NRXN3: variants seen among roughly 807,000 people sequenced by gnomAD.
NRXN3 encodes neurexin 3, also known as neurexin III.
NRXN3 carries 32 observed loss-of-function variants against 137.6 expected under a neutral mutation model. That is an observed-to-expected ratio of 0.23 (90% CI 0.18 to 0.31). NRXN3 has a LOEUF of 0.31. NRXN3 is among the 10% of genes least tolerant of loss of function. NRXN3 has a pLI of 1.00. For missense variants in NRXN3, 1,574 were observed against 2,062.5 expected (o/e 0.76, Z 4.59); for synonymous variants, 798 against 784.5 (o/e 1.02, Z -0.29).
At position 78,780,561 on chromosome 14, in the gene NRXN3, T is replaced by C. The variant is rs115094008; in HGVS notation, c.2045-23059T>C. 1.8e-3 allele frequency among the ~76,000 whole-genome samples: 278 copies of C among 152,200 alleles called. 2 individuals are homozygous for C. Among genetic ancestry groups the C allele is most frequent in the African/African-American group, 6.4e-3 (267 of 41,536 alleles). ...GGCAATGCACCCAGCACACAAAGGATTGGTATTCTAAATTGTATAATGACC... is the reference window on the plus strand; with the variant it reads ...GGCAATGCACCCAGCACACAAAGGACTGGTATTCTAAATTGTATAATGACC... On this transcript the variant is annotated intron_variant, in intron 8 of 20. Transcript: ENST00000335750.
At chr14:79,290,953 A>G (rs2083085129) in intron 15 of NRXN3, among the ~76,000 whole-genome samples, 1 of 152,198 alleles carries the variant, frequency 6.6e-6, no homozygotes, top group African/African-American at 2.4e-5. Context: ...TTTCTGATAC[A>G]TTTAAAAGTT....
intron 16 of NRXN3, among the ~76,000 whole-genome samples, chr14:79,582,674 C>T (rs1330121917): frequency 1.3e-5 from 2 of 152,108 alleles, no homozygotes; most frequent in Non-Finnish European, 2.9e-5. Context: ...CCGCCTCAGC[C>T]TCCCAAAGTG....
At chr14:79,830,079 G>A (rs1290196602) in intron 20 of NRXN3, among the ~76,000 whole-genome samples, 4 of 152,178 alleles carry the variant, frequency 2.6e-5, no homozygotes, top group Non-Finnish European at 5.9e-5. Flanking sequence ...GGCATGGAAG[G>A]TTGGAGAAGG....
At chr14:78,560,269 G>GAACAAACTTT (rs1386237495) in intron 4 of NRXN3, among the ~76,000 whole-genome samples, 9 of 152,022 alleles carry the variant, frequency 5.9e-5, no homozygotes, top group African/African-American at 1.5e-4. Flanking sequence ...TGAACATACT[G>GAACAAACTTT]GATTTTTCCC....
chr14:79,400,014 G>A (rs1010514544), intron 15 of NRXN3, among the ~76,000 whole-genome samples: 2 of 152,182 alleles, frequency 1.3e-5, no homozygotes, highest in African/African-American at 2.4e-5. Flanking sequence ...ATGTGTGCAT[G>A]TGCACCTGTG....
At chr14:79,250,080 T>A (rs2075731221) in intron 15 of NRXN3, among the ~76,000 whole-genome samples, 1 of 152,200 alleles carries the variant, frequency 6.6e-6, no homozygotes. Context: ...AACTGTGACA[T>A]GTGAATATTT....
At chr14:79,175,149 T>G (rs1261555612) in intron 15 of NRXN3, among the ~76,000 whole-genome samples, 2 of 151,994 alleles carry the variant, frequency 1.3e-5, no homozygotes, top group Non-Finnish European at 2.9e-5. Flanking sequence ...TGCGGCTAAT[T>G]TTTTGTATTT....
intron 15 of NRXN3, among the ~76,000 whole-genome samples, chr14:79,325,837 A>G (rs962508457): frequency 2.6e-5 from 4 of 152,168 alleles, no homozygotes; most frequent in African/African-American, 9.7e-5. Context: ...GCACAATGCC[A>G]TCTTGTCTGT....
At chr14:79,711,129 T>G (rs552637470) in intron 19 of NRXN3, among the ~76,000 whole-genome samples, 61 of 152,310 alleles carry the variant, frequency 4.0e-4, no homozygotes, top group African/African-American at 1.3e-3. Flanking sequence ...GTAAAGCAAG[T>G]TACAATAAAG....
intron 3 of NRXN3, among the ~76,000 whole-genome samples, chr14:78,293,083 T>C (rs530411189): frequency 5.3e-5 from 8 of 152,226 alleles, no homozygotes; most frequent in Admixed American, 3.3e-4. Flanking sequence ...ATAATTTATG[T>C]TGGAAAGCCA....
intron 11 of NRXN3, among the ~76,000 whole-genome samples, chr14:78,965,069 T>A (rs1245431197): frequency 1.3e-5 from 2 of 152,176 alleles, no homozygotes; most frequent in African/African-American, 4.8e-5. Context: ...AGTCCTCTGA[T>A]CCCTCTGATT....
chr14:78,943,613 AAAAAAAAAATAT>A lies in NRXN3; in HGVS notation c.2276-13627_2276-13616del, dbSNP rs1360380550. Among the ~76,000 whole-genome samples, 39 of 30,994 alleles carry A rather than the reference AAAAAAAAAATAT, an allele frequency of 1.3e-3. 1 individual carries two copies. Among genetic ancestry groups the A allele is most frequent in the South Asian group, 5.5e-3 (4 of 722 alleles). 20.3% of individuals were successfully genotyped at this position (30,994 alleles called of 152,430 possible). A position where few individuals can be genotyped will look rare whatever the true frequency, so the allele number is the denominator to read the frequency against. Reference sequence around the variant, plus strand: ...AGAAAAGAAGCAAGATCACTGTTAAAAAAAAAAAATATATATATATATATATATATATATATA... The same window carrying A: ...AGAAAAGAAGCAAGATCACTGTTAAAATATATATATATATATATATATATA... On this transcript the variant is annotated intron_variant, in intron 10 of 20. Transcript: ENST00000335750.
rs76913191 is a variant in NRXN3, at chr14:78,771,239, G to C, written c.2045-32381G>C. On this transcript the variant is annotated intron_variant, in intron 8 of 20. Transcript: ENST00000335750. Reference sequence around the variant, plus strand: ...CTGTGAGACAGCTATTGGGAGGTTTGGTAGGAAGATTTAGTGCTGCTCTTT... The same window carrying C: ...CTGTGAGACAGCTATTGGGAGGTTTCGTAGGAAGATTTAGTGCTGCTCTTT... Among the ~76,000 whole-genome samples the C allele has an allele frequency of 8.9e-3, 1,360 of 152,226 alleles. 14 individuals carry two copies. Among genetic ancestry groups the C allele is most frequent in the African/African-American group, 0.032 (1,309 of 41,510 alleles).
At chr14:78,171,541 G>A (rs989687128) in intron 1 of NRXN3, among the ~76,000 whole-genome samples, 1 of 151,608 alleles carries the variant, frequency 6.6e-6, no homozygotes, top group African/African-American at 2.4e-5. Flanking sequence ...TTTTTTCCAG[G>A]CATTGTGCTG....
At chr14:78,873,337 G>T (rs956648267) in intron 10 of NRXN3, among the ~76,000 whole-genome samples, 2 of 152,060 alleles carry the variant, frequency 1.3e-5, no homozygotes, top group Non-Finnish European at 2.9e-5. Flanking sequence ...ATTTTAGTAG[G>T]ATTTTGAAAG....
chr14:78,339,289 G>A (rs1054078310), intron 4 of NRXN3, among the ~76,000 whole-genome samples: 2 of 152,212 alleles, frequency 1.3e-5, no homozygotes, highest in African/African-American at 4.8e-5. Context: ...AGAAACTGAA[G>A]CACAGAAATG....
chr14:79,758,838 C>A (rs1235056963), intron 19 of NRXN3, among the ~76,000 whole-genome samples: 1 of 152,158 alleles, frequency 6.6e-6, no homozygotes, highest in Non-Finnish European at 1.5e-5. Flanking sequence ...AACCTTTTTA[C>A]CTCTCAAGGT....
intron 7 of NRXN3, among the ~76,000 whole-genome samples, chr14:78,710,732 T>C (rs2098400072): frequency 6.6e-6 from 1 of 152,182 alleles, no homozygotes; most frequent in African/African-American, 2.4e-5. Context: ...TGGGTTGGCT[T>C]TTCTGCATAA....
At chr14:78,396,849 A>G (rs768752263) in intron 4 of NRXN3, among the ~76,000 whole-genome samples, 1 of 152,174 alleles carries the variant, frequency 6.6e-6, no homozygotes, top group African/African-American at 2.4e-5. Flanking sequence ...CTTGAACAAT[A>G]GAAATTTATT....
Sources: allele counts gnomAD v4.1 joint callset (sites outside exome capture counted in the v4.1 genomes callset), GRCh38; gene constraint gnomAD v4.1.1; transcripts MANE v1.5; gene names NCBI Gene and HGNC (gene_info 2026-07-23, HGNC 2026-07-21).